KIF5C: variants seen among roughly 807,000 people sequenced by gnomAD.
The protein encoded by KIF5C is kinesin family member 5C, also known as kinesin heavy chain isoform 5C.
In KIF5C, 18 loss-of-function variants were observed where a neutral mutation model predicts 125.2. The observed-to-expected ratio is 0.14, with a 90% confidence interval of 0.10 to 0.21. KIF5C has a LOEUF of 0.21. Among genes scored for constraint, KIF5C ranks in the 10% least tolerant of loss-of-function variants. The pLI, the probability that KIF5C is intolerant of heterozygous loss-of-function variation, is 1.00. For missense variants in KIF5C, 780 were observed against 1,183.8 expected, an observed-to-expected ratio of 0.66 and a Z score of 5.01; for synonymous variants, 405 against 434.0, an observed-to-expected ratio of 0.93 and a Z score of 0.83.
At chr2:148,995,778 A>G (rs1470487201) in intron 17 of KIF5C, among the ~76,000 whole-genome samples, 1 of 152,256 alleles carries the variant, frequency 6.6e-6, no homozygotes, top group Non-Finnish European at 1.5e-5. Context: ...AAATACATGA[A>G]GGTGTGCAGC....
At chr2:149,002,949 G>C (rs971521913) in intron 21 of KIF5C, among the ~76,000 whole-genome samples, 3 of 152,124 alleles carry the variant, frequency 2.0e-5, no homozygotes, top group African/African-American at 7.2e-5. Context: ...CTCCCTGCTC[G>C]TCCGTTCTCT....
rs906852075 is a variant in KIF5C, at chr2:148,888,850, A to C, written c.126+13107A>C. ...TTCTGCCTTTTTTTCCTTTTTACCT[A>C]AATATACTCCATAAACAGTTTCCAT... On this transcript the variant is annotated intron_variant, in intron 1 of 25. Transcript: ENST00000435030. 2.7e-5 allele frequency: 4 copies of C among 150,780 alleles called. No homozygotes were observed. The South Asian group carries it at 6.3e-4, about 24-fold the overall frequency. The allele number at this position is 150,780 out of a possible 1,614,324, so 9.3% of individuals were successfully genotyped here. A position where few individuals can be genotyped will look rare whatever the true frequency, so the allele number is the denominator to read the frequency against.
At chr2:148,949,693 G>GT (rs1410796451) in intron 8 of KIF5C, 146 bp from the exon 9 acceptor site, 64 of 1,194,070 alleles carry the variant, frequency 5.4e-5, no homozygotes, top group Non-Finnish European at 6.7e-5. Context: ...ACGAAGGATG[G>GT]TTTTTTATCA....
At chr2:148,997,560 C>T (rs1192416594) in intron 18 of KIF5C, 13 of 740,840 alleles carry the variant, frequency 1.8e-5, no homozygotes, top group Admixed American at 9.2e-5. Flanking sequence ...GGTTAAGTTG[C>T]GTTAATACCT....
chr2:148,981,241 T>G, intron 13 of KIF5C, 114 bp from the exon 14 acceptor site: 1 of 1,427,312 alleles, frequency 7.0e-7, no homozygotes, highest in Non-Finnish European at 9.2e-7. Context: ...ATCCTGAACT[T>G]TTTCAACTTG....
At chr2:149,022,402 G>A (rs187285855) in intron 25 of KIF5C, among the ~76,000 whole-genome samples, 1 of 151,992 alleles carries the variant, frequency 6.6e-6, no homozygotes, top group Non-Finnish European at 1.5e-5. Context: ...CTCTCAAAAT[G>A]TGGCTAAGTC....
chr2:148,954,803 T>C (rs185162829), intron 10 of KIF5C, among the ~76,000 whole-genome samples: 4 of 152,294 alleles, frequency 2.6e-5, no homozygotes, highest in African/African-American at 7.2e-5. Context: ...GCATATGAAA[T>C]TTATGTCACC....
chr2:148,982,489 G>T (rs1681263268), intron 14 of KIF5C, among the ~76,000 whole-genome samples: 1 of 152,242 alleles, frequency 6.6e-6, no homozygotes, highest in South Asian at 2.1e-4. Flanking sequence ...GATGGCGCAG[G>T]AGAGTGCTGG....
intron 23 of KIF5C, among the ~76,000 whole-genome samples, chr2:149,009,223 C>CTCGTG (rs1682108408): frequency 6.6e-6 from 1 of 151,876 alleles, no homozygotes; most frequent in Non-Finnish European, 1.5e-5. Flanking sequence ...AACCACTGAC[C>CTCGTG]TCGTGATCCG....
At chr2:149,015,915 A>G (rs1682344333) in intron 25 of KIF5C, among the ~76,000 whole-genome samples, 1 of 152,232 alleles carries the variant, frequency 6.6e-6, no homozygotes, top group South Asian at 2.1e-4. Flanking sequence ...ATGGACAGAA[A>G]ATAAGGTAAC....
chr2:149,010,021 A>C, intron 23 of KIF5C, 114 bp from the exon 24 acceptor site: 1 of 1,433,366 alleles, frequency 7.0e-7, no homozygotes, highest in African/African-American at 1.4e-5. Flanking sequence ...CGGAGTGCCA[A>C]GGACAACCTA....
chr2:148,974,957 C>T (rs936629179), intron 12 of KIF5C, among the ~76,000 whole-genome samples: 6 of 152,142 alleles, frequency 3.9e-5, no homozygotes, highest in Non-Finnish European at 8.8e-5. Context: ...ATCAGACATA[C>T]GAAATGTAGT....
At chr2:148,934,922 T>A (rs1164830529) in intron 3 of KIF5C, 1 of 241,742 alleles carries the variant, frequency 4.1e-6, no homozygotes, top group African/African-American at 2.3e-5. Flanking sequence ...ACACTCCACA[T>A]GCCCCTACAT....
chr2:148,925,363 C>A (rs1681948895), intron 2 of KIF5C, among the ~76,000 whole-genome samples: 1 of 152,084 alleles, frequency 6.6e-6, no homozygotes, highest in Admixed American at 6.5e-5. Flanking sequence ...CTTAGGATGA[C>A]ATTATCAGAT....
At chr2:149,012,804 G>A (rs779520358) in intron 25 of KIF5C, among the ~76,000 whole-genome samples, 1 of 152,272 alleles carries the variant, frequency 6.6e-6, no homozygotes, top group Non-Finnish European at 1.5e-5. Context: ...AATGGGAAAT[G>A]GTCTTGGCGG....
At chr2:148,983,155 C>G (rs1482226817) in intron 14 of KIF5C, among the ~76,000 whole-genome samples, 1 of 152,006 alleles carries the variant, frequency 6.6e-6, no homozygotes, top group Non-Finnish European at 1.5e-5. Context: ...TCTTCTGGGC[C>G]ATCTATTCTA....
chr2:149,010,957 T>C (rs376173381), intron 24 of KIF5C, among the ~76,000 whole-genome samples: 20 of 151,972 alleles, frequency 1.3e-4, no homozygotes, highest in African/African-American at 3.4e-4. Flanking sequence ...AGGATAGCCA[T>C]AGGGACAAAA....
chr2:148,893,183 C>T (rs1681754859), intron 1 of KIF5C, among the ~76,000 whole-genome samples: 1 of 152,206 alleles, frequency 6.6e-6, no homozygotes. Context: ...CTGGCTCTTG[C>T]TTGAATTGCA....
intron 25 of KIF5C, among the ~76,000 whole-genome samples, chr2:149,022,442 A>G (rs921021427): frequency 6.6e-6 from 1 of 152,112 alleles, no homozygotes; most frequent in African/African-American, 2.4e-5. Flanking sequence ...AGTGTAAAAT[A>G]TACACCAGAT....
Sources: allele counts gnomAD v4.1 joint callset (sites outside exome capture counted in the v4.1 genomes callset), GRCh38; gene constraint gnomAD v4.1.1; transcripts MANE v1.5; gene names NCBI Gene and HGNC (gene_info 2026-07-23, HGNC 2026-07-21).